PARD3B: variants seen among roughly 807,000 people sequenced by gnomAD.
PARD3B encodes par-3 family cell polarity regulator beta, also known as partitioning defective 3 homolog B.
Under a neutral mutation model 130.2 loss-of-function variants are expected in PARD3B, and 103 were observed. That is an observed-to-expected ratio of 0.79 (90% CI 0.67 to 0.93). The LOEUF is 0.93. Ranked by LOEUF, PARD3B falls within the 40% of genes least tolerant of loss-of-function variation. The pLI is 0.00. For missense variants in PARD3B, 1,609 were observed against 1,499.2 expected (o/e 1.07, Z -1.21); for synonymous variants, 583 against 553.2 (o/e 1.05, Z -0.76).
rs1274907532 is a variant in PARD3B, at chr2:205,525,555, TA to T, written c.3180+25525del. Among the ~76,000 whole-genome samples the T allele has an allele frequency of 2.0e-5, 3 of 152,148 alleles. No homozygotes were observed. Among genetic ancestry groups the T allele is most frequent in the Non-Finnish European group, 2.9e-5 (2 of 68,022 alleles). On this transcript the variant is annotated intron_variant, in intron 21 of 22. Coordinates refer to ENST00000406610, the MANE Select transcript of PARD3B (RefSeq NM_001302769.2). This position sits in a 1 kb window ranked among gnomAD's most constrained non-coding sequence, Gnocchi z 4.2. Reference sequence around the variant, plus strand: ...AAAAACAAAGTTCCTGCTATAAACATAGGGGTATTGGTTGCATGACTTTATT... The same window carrying T: ...AAAAACAAAGTTCCTGCTATAAACATGGGGTATTGGTTGCATGACTTTATT...
chr2:205,239,969 T>A (rs1378102510), intron 15 of PARD3B, among the ~76,000 whole-genome samples: 1 of 152,178 alleles, frequency 6.6e-6, no homozygotes, highest in African/African-American at 2.4e-5. Flanking sequence ...TTTGTGTGTG[T>A]GTGTGTTTCA....
intron 22 of PARD3B, among the ~76,000 whole-genome samples, chr2:205,595,052 C>T (rs1002531234): frequency 6.6e-6 from 1 of 152,214 alleles, no homozygotes; most frequent in African/African-American, 2.4e-5. Context: ...CATCACAACC[C>T]TGCAAGGGGA....
intron 2 of PARD3B, among the ~76,000 whole-genome samples, chr2:204,898,251 T>G (rs1235778499): frequency 1.3e-5 from 2 of 152,240 alleles, no homozygotes; most frequent in African/African-American, 2.4e-5. Context: ...TTGATACATA[T>G]GTACAAGGTA....
chr2:205,601,591 G>A (rs367666285), intron 22 of PARD3B, among the ~76,000 whole-genome samples: 5 of 152,198 alleles, frequency 3.3e-5, no homozygotes, highest in African/African-American at 1.2e-4. Flanking sequence ...TGTCCTGAGT[G>A]GTGTTGCCTA....
At chr2:205,609,697 C>T (rs1377435568) in intron 22 of PARD3B, among the ~76,000 whole-genome samples, 1 of 152,226 alleles carries the variant, frequency 6.6e-6, no homozygotes, top group African/African-American at 2.4e-5. Context: ...CACACCTCTG[C>T]TCATAAATTC....
chr2:204,938,003 G>A lies in PARD3B; in HGVS notation c.223-27149G>A, dbSNP rs557609436. Among the ~76,000 whole-genome samples, 437 of 152,272 alleles carry A rather than the reference G, an allele frequency of 2.9e-3. 1 individual carries two copies. Among genetic ancestry groups the A allele is most frequent in the African/African-American group, 8.9e-3 (370 of 41,556 alleles). On this transcript the variant is annotated intron_variant, in intron 2 of 22. Coordinates refer to ENST00000406610, the MANE Select transcript of PARD3B (RefSeq NM_001302769.2). The stretch of plus-strand genomic sequence containing the variant: ...TTCTTGGAATAGAGAGCAGTGACAC[G>A]CCAGTGGCTGAGTCCTAGGTGTGCC...
intron 1 of PARD3B, among the ~76,000 whole-genome samples, chr2:204,570,080 G>A (rs1439402354): frequency 6.6e-6 from 1 of 152,104 alleles, no homozygotes; most frequent in East Asian, 1.9e-4. Flanking sequence ...ATTACTGTTG[G>A]AGTCAAGATA....
At chr2:205,089,531 G>A (rs1268324018) in intron 4 of PARD3B, among the ~76,000 whole-genome samples, 1 of 152,170 alleles carries the variant, frequency 6.6e-6, no homozygotes, top group Non-Finnish European at 1.5e-5. Context: ...GGAGGGCAAA[G>A]TAGGAGGTCA....
In PARD3B at chr2:205,015,280, A is replaced by G. The variant is rs149414633; in HGVS notation, c.395-32301A>G. On this transcript the variant is annotated intron_variant, in intron 3 of 22. Transcript: ENST00000406610. The surrounding 1 kb of genome is among the most constrained non-coding windows in gnomAD (Gnocchi z 4.5). ...CTATTCATTAAATGGAAGTAGATCAATATAAAGGTCTTCATCCTCATCATC... is the reference window on the plus strand; with the variant it reads ...CTATTCATTAAATGGAAGTAGATCAGTATAAAGGTCTTCATCCTCATCATC... Among the ~76,000 whole-genome samples the G allele has an allele frequency of 4.6e-5, 7 of 152,330 alleles. No homozygotes were observed. Among genetic ancestry groups the G allele is most frequent in the East Asian group, 1.9e-4 (1 of 5,180 alleles).
chr2:204,796,185 T>C (rs1219613848), intron 2 of PARD3B, among the ~76,000 whole-genome samples: 2 of 152,220 alleles, frequency 1.3e-5, no homozygotes, highest in Non-Finnish European at 2.9e-5. Context: ...CTGTGTGTAG[T>C]TACTGTTCCC....
At chr2:205,523,433 G>A (rs573469355) in intron 21 of PARD3B, among the ~76,000 whole-genome samples, 2 of 151,376 alleles carry the variant, frequency 1.3e-5, no homozygotes, top group Non-Finnish European at 2.9e-5. Flanking sequence ...TAATAGAGAC[G>A]GGGTTTCACC....
chr2:205,437,060 G>C (rs2047542469), intron 19 of PARD3B, among the ~76,000 whole-genome samples: 1 of 152,036 alleles, frequency 6.6e-6, no homozygotes. Flanking sequence ...TTTATTGACT[G>C]TACCCCTCTA....
intron 2 of PARD3B, among the ~76,000 whole-genome samples, chr2:204,938,854 C>T (rs1688667686): frequency 6.6e-6 from 1 of 152,124 alleles, no homozygotes; most frequent in Non-Finnish European, 1.5e-5. Context: ...CAGTGTAGTG[C>T]CTTGGAGACC....
At chr2:205,152,713 C>G (rs948374892) in intron 10 of PARD3B, among the ~76,000 whole-genome samples, 1 of 152,196 alleles carries the variant, frequency 6.6e-6, no homozygotes, top group Non-Finnish European at 1.5e-5. Flanking sequence ...CCTCCTTTAG[C>G]TCGGAGAAGT....
intron 1 of PARD3B, among the ~76,000 whole-genome samples, chr2:204,599,503 C>T (rs2033423902): frequency 1.3e-5 from 2 of 151,768 alleles, no homozygotes; most frequent in African/African-American, 4.8e-5. Context: ...TCTCTTTTGC[C>T]TAGAATGACA....
chr2:204,585,061 G>A (rs1305891819), intron 1 of PARD3B, among the ~76,000 whole-genome samples: 3 of 152,180 alleles, frequency 2.0e-5, no homozygotes, highest in African/African-American at 7.2e-5. Context: ...GACTGTGTCT[G>A]ATGGGAGCCA....
rs1487926299 is a variant in PARD3B, at chr2:205,142,335, T to C, written c.1435-16387T>C. On this transcript the variant is annotated intron_variant, in intron 10 of 22. Coordinates refer to ENST00000406610, the MANE Select transcript of PARD3B (RefSeq NM_001302769.2). The surrounding 1 kb of genome is among the most constrained non-coding windows in gnomAD (Gnocchi z 4.3). ...CCTTTACTAAACATGATAAAAAGTT[T>C]AGGTGAGAGGTGTTGAAAACTATGA... 1.3e-5 allele frequency among the ~76,000 whole-genome samples: 2 copies of C among 152,164 alleles called. No individual in the cohort carries two copies. The highest frequency in any genetic ancestry group is 2.4e-5 in the African/African-American group (1 of 41,446).
At chr2:204,959,295 A>G (rs1451471397) in intron 2 of PARD3B, among the ~76,000 whole-genome samples, 1 of 152,162 alleles carries the variant, frequency 6.6e-6, no homozygotes, top group Non-Finnish European at 1.5e-5. Flanking sequence ...ACATCTCTGC[A>G]AAGGACATGA....
chr2:205,547,559 G>A (rs1275943933), intron 21 of PARD3B, among the ~76,000 whole-genome samples: 1 of 152,176 alleles, frequency 6.6e-6, no homozygotes, highest in East Asian at 1.9e-4. Context: ...TGGGGGAGCT[G>A]TTGCTATTTC....
Sources: allele counts gnomAD v4.1 joint callset (sites outside exome capture counted in the v4.1 genomes callset), GRCh38; gene constraint gnomAD v4.1.1; non-coding constraint Gnocchi (gnomAD v3.1); transcripts MANE v1.5; gene names NCBI Gene and HGNC (gene_info 2026-07-23, HGNC 2026-07-21).